Variants in PAK2 observed in about 807,000 individuals in gnomAD.
PAK2 encodes serine/threonine-protein kinase PAK 2.
Under a neutral mutation model 65.9 loss-of-function variants are expected in PAK2, and 21 were observed. The ratio of observed to expected loss-of-function variants is 0.32; its 90% CI spans 0.23 to 0.46. The LOEUF (loss-of-function observed/expected upper bound fraction) is 0.46. Among genes scored for constraint, PAK2 ranks in the 20% least tolerant of loss-of-function variants. PAK2 has a pLI of 1.00. For synonymous variants in PAK2, 204 were observed against 219.7 expected (o/e 0.93, Z 0.63); for missense variants, 324 against 642.6 (o/e 0.50, Z 5.36).
chr3:196,806,635 TGAA>T lies in PAK2; in HGVS notation c.528_530del (p.Glu177del). The stretch of plus-strand genomic sequence containing the variant: ...TAGTGACAGAGGAGGAGGATGATGA[TGAA>T]GAGACTGCTCCTCCCGTTATTGCCC... On this transcript the variant is annotated inframe_deletion, in exon 6 of 15. Coordinates refer to ENST00000327134, the MANE Select transcript of PAK2 (RefSeq NM_002577.4). 15 of 1,613,456 alleles carry T rather than the reference TGAA, an allele frequency of 9.3e-6. No individual in the cohort carries two copies. The highest frequency in any genetic ancestry group is 1.2e-5 in the Non-Finnish European group (14 of 1,179,440).
At chr3:196,747,331 T>C (rs1253955101) in intron 1 of PAK2, 1 of 152,216 alleles carries the variant, frequency 6.6e-6, no homozygotes, top group Non-Finnish European at 1.5e-5. Context: ...AGCTAGTTCA[T>C]TTTAATGTCT....
chr3:196,796,040 G>T (rs1453788842), intron 2 of PAK2, among the ~76,000 whole-genome samples: 3 of 152,184 alleles, frequency 2.0e-5, no homozygotes, highest in Non-Finnish European at 4.4e-5. Context: ...CCACAGTAGG[G>T]CTCACGCTAT....
chr3:196,754,431 G>GTA (rs1377949886), intron 1 of PAK2, among the ~76,000 whole-genome samples: 21 of 152,260 alleles, frequency 1.4e-4, no homozygotes, highest in Middle Eastern at 3.4e-3. Flanking sequence ...CTTCTCAGAT[G>GTA]TATTTCTGAG....
rs1465255743 is a variant in PAK2, at chr3:196,748,218, A to G, written c.-22+8061A>G. Among the ~76,000 whole-genome samples, 5 of 152,286 alleles carry G rather than the reference A, an allele frequency of 3.3e-5. No individual in the cohort carries two copies. In the East Asian group the frequency reaches 5.8e-4, roughly 18 times the overall value. ...TTCACAGCAAAACTGAGCCTAAGGT[A>G]CAGAGTTCCCATATACCCCATGCTC... On this transcript the variant is annotated intron_variant, in intron 1 of 14. Coordinates refer to ENST00000327134, the MANE Select transcript of PAK2 (RefSeq NM_002577.4).
At chr3:196,769,647 T>TAA (rs142503719) in intron 1 of PAK2, among the ~76,000 whole-genome samples, 52,791 of 147,080 alleles carry the variant, frequency 0.36, 9,750 homozygotes, top group East Asian at 0.46. Flanking sequence ...CCGTCTCTCC[T>TAA]AAAAAAAAAA....
chr3:196,815,413 G>C (rs1175633055), intron 11 of PAK2, among the ~76,000 whole-genome samples: 1 of 149,384 alleles, frequency 6.7e-6, no homozygotes. Context: ...AATCGCTTGA[G>C]CTGAGGAGGC....
rs138217086 is a variant in PAK2 at position 196,758,680 on chromosome 3, T to C, written c.-22+18523T>C. Among the ~76,000 whole-genome samples, 120 of 152,270 alleles carry C rather than the reference T, an allele frequency of 7.9e-4. 1 individual carries two copies. The highest frequency in any genetic ancestry group is 1.5e-3 in the Non-Finnish European group (104 of 68,026). On this transcript the variant is annotated intron_variant, in intron 1 of 14. Transcript: ENST00000327134. ...TTTAGTTTATTTTATTTTGAGAAAG[T>C]GTCTCGCTCTACTGCCCAGGGTGGA...
chr3:196,741,261 T>G (rs928540229), intron 1 of PAK2, among the ~76,000 whole-genome samples: 5 of 152,154 alleles, frequency 3.3e-5, no homozygotes, highest in Admixed American at 6.5e-5. Flanking sequence ...GTACAAGAAT[T>G]TGCTCTGGGG....
At chr3:196,745,119 CTT>C (rs34651855) in intron 1 of PAK2, among the ~76,000 whole-genome samples, 134 of 135,560 alleles carry the variant, frequency 9.9e-4, no homozygotes, top group East Asian at 5.4e-3. Flanking sequence ...GTGTTTCAAT[CTT>C]TTTTTTTTTT....
chr3:196,780,347 T>TAA (rs1374895836), intron 1 of PAK2, among the ~76,000 whole-genome samples: 1 of 152,246 alleles, frequency 6.6e-6, no homozygotes, highest in Non-Finnish European at 1.5e-5. Context: ...TAATTGGACT[T>TAA]ACATTTCCAT....
intron 2 of PAK2, among the ~76,000 whole-genome samples, chr3:196,797,099 T>C (rs1715280924): frequency 6.6e-6 from 1 of 152,214 alleles, no homozygotes; most frequent in Non-Finnish European, 1.5e-5. Context: ...TAGACGTTTA[T>C]AGAACACTCC....
chr3:196,745,091 G>A (rs1314302847), intron 1 of PAK2, among the ~76,000 whole-genome samples: 2 of 149,424 alleles, frequency 1.3e-5, no homozygotes, highest in African/African-American at 4.9e-5. Context: ...TTTTCTTCTG[G>A]TACTTTTAAT....
chr3:196,808,959 G>C (rs1348029905), intron 7 of PAK2, among the ~76,000 whole-genome samples: 1 of 151,888 alleles, frequency 6.6e-6, no homozygotes, highest in Non-Finnish European at 1.5e-5. Flanking sequence ...CATAAAGCCT[G>C]GGCATAGTGG....
intron 1 of PAK2, among the ~76,000 whole-genome samples, chr3:196,761,174 T>C (rs2108719854): frequency 1.4e-5 from 2 of 145,874 alleles, no homozygotes; most frequent in African/African-American, 2.5e-5. Flanking sequence ...ATTTATTTTT[T>C]TATTGATAAT....
At position 196,812,767 on chromosome 3, in the gene PAK2, A is replaced by G; in HGVS notation, c.851A>G (p.Lys284Arg). The change falls in exon 10 of 15, where the codon AAA becomes AGA. Residue 284 changes from lysine (K) to arginine (R), a missense_variant. This residue lies in a region of PAK2 where 183 missense variants were observed against 246.2 expected (regional missense o/e 0.74). Transcript: ENST00000327134. ...EVAIKQINLQ[K>R]QPKKELIINE... ...GCTATCAAACAAATTAATTTACAGA[A>G]ACAGCCAAAGAAGGAACTGATCATT... 1 of 1,540,100 alleles carries G rather than the reference A, an allele frequency of 6.5e-7. No homozygotes were observed. Among genetic ancestry groups the G allele is most frequent in the Non-Finnish European group, 9.0e-7 (1 of 1,114,934 alleles).
chr3:196,811,161 C>T (rs1715773332), intron 8 of PAK2, among the ~76,000 whole-genome samples: 1 of 149,730 alleles, frequency 6.7e-6, no homozygotes, highest in South Asian at 2.1e-4. Flanking sequence ...AGAGTGAGGG[C>T]TTAAGCCATT....
chr3:196,781,539 C>G (rs149221222), intron 1 of PAK2, among the ~76,000 whole-genome samples: 298 of 152,324 alleles, frequency 2.0e-3, no homozygotes, highest in Non-Finnish European at 2.2e-3. Flanking sequence ...CAGCCATGCT[C>G]TGTGTTTAAT....
chr3:196,760,229 A>G (rs1713914435), intron 1 of PAK2, among the ~76,000 whole-genome samples: 1 of 151,886 alleles, frequency 6.6e-6, no homozygotes, highest in Non-Finnish European at 1.5e-5. Flanking sequence ...GATGGTGCAC[A>G]CCTGGGTTAT....
chr3:196,751,172 G>A (rs1328369948), intron 1 of PAK2, among the ~76,000 whole-genome samples: 1 of 152,042 alleles, frequency 6.6e-6, no homozygotes, highest in Admixed American at 6.6e-5. Context: ...ATTTCATGTA[G>A]CGCAGTATTT....
Sources: gnomAD v4.1 joint callset for allele counts (sites outside exome capture counted in the v4.1 genomes callset) on GRCh38, gnomAD v4.1.1 for gene constraint, gnomAD v4.1.1 regional missense constraint, MANE v1.5 for transcripts, NCBI Gene and HGNC (gene_info 2026-07-23, HGNC 2026-07-21) for gene names.